GUCY1A2: variants seen among roughly 807,000 people sequenced by gnomAD.
GUCY1A2 encodes guanylate cyclase 1 soluble subunit alpha 2.
Under a neutral mutation model 63.5 loss-of-function variants are expected in GUCY1A2, and 27 were observed. The ratio of observed to expected loss-of-function variants is 0.43; its 90% CI spans 0.31 to 0.59. GUCY1A2 has a LOEUF of 0.59. GUCY1A2 is among the 20% of genes least tolerant of loss of function. The probability of loss-of-function intolerance (pLI) is 0.11; values close to 1 mark genes in which losing one functional copy is unlikely to be tolerated. For missense variants in GUCY1A2, 768 were observed against 913.3 expected (o/e 0.84, Z 2.05); for synonymous variants, 364 against 343.5 (o/e 1.06, Z -0.66).
At chr11:106,854,012 T>A (rs1180577768) in intron 4 of GUCY1A2, among the ~76,000 whole-genome samples, 1 of 152,190 alleles carries the variant, frequency 6.6e-6, no homozygotes, top group Admixed American at 6.5e-5. Flanking sequence ...GGCTGGTCCT[T>A]GGGCATGAGT....
chr11:106,772,040 GTATT>G (rs952426024), intron 6 of GUCY1A2, among the ~76,000 whole-genome samples: 24 of 151,928 alleles, frequency 1.6e-4, no homozygotes, highest in African/African-American at 5.8e-4. Flanking sequence ...ATTTACTTGA[GTATT>G]TATAGGCTGA....
chr11:106,900,130 A>T (rs531548674), intron 4 of GUCY1A2, among the ~76,000 whole-genome samples: 36 of 152,214 alleles, frequency 2.4e-4, no homozygotes, highest in African/African-American at 8.2e-4. Context: ...TAGCCAATCA[A>T]TGTAAGATGC....
At chr11:107,011,608 T>C (rs1049324083) in intron 1 of GUCY1A2, among the ~76,000 whole-genome samples, 4 of 146,542 alleles carry the variant, frequency 2.7e-5, no homozygotes, top group South Asian at 2.1e-4. Context: ...ATCTTTAATA[T>C]ATATAAAAAG....
At chr11:106,993,294 A>G (rs987111617) in intron 1 of GUCY1A2, among the ~76,000 whole-genome samples, 4 of 152,186 alleles carry the variant, frequency 2.6e-5, no homozygotes, top group African/African-American at 7.2e-5. Context: ...AAATTCCACA[A>G]CTTAATCAGA....
intron 4 of GUCY1A2, among the ~76,000 whole-genome samples, chr11:106,911,945 C>T (rs1392973891): frequency 6.6e-6 from 1 of 151,934 alleles, no homozygotes. Flanking sequence ...ATTGTTTGCT[C>T]TAATTTTTGA....
At chr11:106,929,810 TGAC>T (rs1234949228) in intron 4 of GUCY1A2, among the ~76,000 whole-genome samples, 1 of 152,178 alleles carries the variant, frequency 6.6e-6, no homozygotes, top group African/African-American at 2.4e-5. Context: ...ATCTATTCTT[TGAC>T]ACTGGTTTTG....
chr11:106,982,498 A>C (rs139880154), intron 2 of GUCY1A2, among the ~76,000 whole-genome samples: 32 of 152,290 alleles, frequency 2.1e-4, no homozygotes, highest in Admixed American at 2.6e-4. Context: ...GGGAACAAGA[A>C]GCTCTCCAAG....
intron 4 of GUCY1A2, among the ~76,000 whole-genome samples, chr11:106,818,193 G>A (rs1565299596): frequency 6.6e-6 from 1 of 152,078 alleles, no homozygotes; most frequent in Non-Finnish European, 1.5e-5. Flanking sequence ...ATATTGCATT[G>A]TTTTACAAAT....
chr11:106,937,064 CTGTA>C (rs1350892352), intron 4 of GUCY1A2, among the ~76,000 whole-genome samples: 1 of 152,028 alleles, frequency 6.6e-6, no homozygotes, highest in Admixed American at 6.6e-5. Flanking sequence ...CTGGGTAAGA[CTGTA>C]TGTGACAACT....
chr11:106,914,651 T>C (rs1860344795), intron 4 of GUCY1A2, among the ~76,000 whole-genome samples: 1 of 151,514 alleles, frequency 6.6e-6, no homozygotes, highest in African/African-American at 2.4e-5. Flanking sequence ...TAAATAAATA[T>C]ATTAAAAATT....
At chr11:107,002,745 T>C (rs1861626762) in intron 1 of GUCY1A2, among the ~76,000 whole-genome samples, 1 of 152,204 alleles carries the variant, frequency 6.6e-6, no homozygotes, top group Non-Finnish European at 1.5e-5. Flanking sequence ...CTGCCATCAT[T>C]AATATATATC....
At chr11:106,726,371 G>A (rs576128091) in intron 6 of GUCY1A2, among the ~76,000 whole-genome samples, 2 of 152,150 alleles carry the variant, frequency 1.3e-5, no homozygotes, top group South Asian at 2.1e-4. Context: ...AGCCGAGACC[G>A]GGCCATTGTA....
rs546787151 is a variant in GUCY1A2, at chr11:106,952,185, T to C, written c.488-12007A>G. ...GTCAGGTAGCATGAGGTCTCCAGCT[T>C]TGTTCTTTTTGCTTAGGATTGTCTT... On this transcript the variant is annotated intron_variant, in intron 3 of 7. Transcript: ENST00000526355. Among the ~76,000 whole-genome samples, 11 of 152,296 alleles carry C rather than the reference T, an allele frequency of 7.2e-5. 1 individual carries two copies. The South Asian group carries it at 2.1e-3, about 29-fold the overall frequency.
At position 106,932,798 on chromosome 11, in the gene GUCY1A2, A is replaced by G. The variant is rs192801540; in HGVS notation, c.1206+6662T>C. 8.5e-5 allele frequency among the ~76,000 whole-genome samples: 13 copies of G among 152,298 alleles called. No homozygotes were observed. The East Asian group carries it at 1.9e-3, about 23-fold the overall frequency. On this transcript the variant is annotated intron_variant, in intron 4 of 7. Transcript: ENST00000526355. ...CACATAAACCAGTGGAACAGAATAG[A>G]AAACCCAGAAATAAAGCTACACACA...
chr11:106,842,706 T>A (rs1320818603), intron 4 of GUCY1A2, among the ~76,000 whole-genome samples: 1 of 151,758 alleles, frequency 6.6e-6, no homozygotes, highest in Non-Finnish European at 1.5e-5. Context: ...CAGATCATAG[T>A]GGTGAGGAAA....
At chr11:106,969,763 G>A (rs1024367486) in intron 3 of GUCY1A2, among the ~76,000 whole-genome samples, 1 of 152,040 alleles carries the variant, frequency 6.6e-6, no homozygotes, top group Non-Finnish European at 1.5e-5. Flanking sequence ...TTACTGTTTG[G>A]TAACAGAAGC....
intron 4 of GUCY1A2, among the ~76,000 whole-genome samples, chr11:106,897,422 G>C (rs1048032014): frequency 6.6e-6 from 1 of 151,950 alleles, no homozygotes; most frequent in Non-Finnish European, 1.5e-5. Context: ...AAAGTTGGAG[G>C]ACTGACATTA....
intron 4 of GUCY1A2, among the ~76,000 whole-genome samples, chr11:106,831,799 T>C (rs189347804): frequency 6.6e-6 from 1 of 152,268 alleles, no homozygotes; most frequent in Admixed American, 6.5e-5. Context: ...GATTTCACGA[T>C]TGTTTGTTAT....
chr11:106,848,578 G>A (rs1433624039), intron 4 of GUCY1A2, among the ~76,000 whole-genome samples: 2 of 151,600 alleles, frequency 1.3e-5, no homozygotes, highest in Non-Finnish European at 3.0e-5. Context: ...GCTAACCCTA[G>A]AATGAAGTGG....
Sources: allele counts gnomAD v4.1 joint callset (sites outside exome capture counted in the v4.1 genomes callset), GRCh38; gene constraint gnomAD v4.1.1; transcripts MANE v1.5; gene names NCBI Gene and HGNC (gene_info 2026-07-23, HGNC 2026-07-21).